The following TSHZ1 variants were observed in gnomAD, a reference collection of about 807,000 sequenced individuals.
The protein encoded by TSHZ1 is teashirt homolog 1.
TSHZ1 carries 12 observed loss-of-function variants against 67.1 expected under a neutral mutation model. The ratio of observed to expected loss-of-function variants is 0.18; its 90% CI spans 0.11 to 0.29. TSHZ1 has a LOEUF of 0.29. Ranked by LOEUF, TSHZ1 falls within the 10% of genes least tolerant of loss-of-function variation. The pLI is 1.00. For synonymous variants in TSHZ1, 632 were observed against 622.4 expected, an observed-to-expected ratio of 1.02 and a Z score of -0.23; for missense variants, 1,305 against 1,413.9, an observed-to-expected ratio of 0.92 and a Z score of 1.23.
Position 75,286,666 on chromosome 18 carries a change from A to T in TSHZ1, c.1259A>T (p.Glu420Val). Residue 420 changes from glutamate (E) to valine (V), a missense_variant, in exon 2 of 2, where the codon GAG (glutamate) becomes GTG (valine). Glu to Val is a moderately radical substitution (Grantham distance 121, BLOSUM62 -2). Around this residue, in one of 3 missense-constraint regions of TSHZ1, gnomAD observed 909 missense variants for 961.8 expected, o/e 0.95. Coordinates refer to ENST00000580243, the MANE Select transcript of TSHZ1 (RefSeq NM_001308210.2). The surrounding 1 kb of genome is among the most constrained non-coding windows in gnomAD (Gnocchi z 5.1). ...AAGGCGCAGATCCTCAAGTGCATGG[A>T]GTGTGGCAGCTCCCACGACACGCTG... ...ARKAQILKCM[E>V]CGSSHDTLQQ... is the part of the protein sequence containing the mutation. The T allele has an allele frequency of 6.2e-7, 1 of 1,614,198 alleles. No individual in the cohort carries two copies. Among genetic ancestry groups the T allele is most frequent in the Non-Finnish European group, 8.5e-7 (1 of 1,180,038 alleles).
intron 1 of TSHZ1, among the ~76,000 whole-genome samples, chr18:75,219,031 T>C (rs1448701985): frequency 2.0e-5 from 3 of 152,180 alleles, no homozygotes; most frequent in African/African-American, 7.2e-5. Context: ...AAGACAAAAT[T>C]TATTTGTGAT....
intron 1 of TSHZ1, among the ~76,000 whole-genome samples, chr18:75,234,749 C>G (rs1295481791): frequency 6.6e-6 from 1 of 151,950 alleles, no homozygotes; most frequent in Admixed American, 6.6e-5. Flanking sequence ...ACACGTTCAC[C>G]CATACATATT....
rs745502104 is a variant in TSHZ1, at chr18:75,285,727, C to T, written c.320C>T (p.Ser107Leu). The change falls in exon 2 of 2, where the codon TCG (serine) becomes TTG (leucine). Residue 107 changes from serine to leucine, a missense_variant. By Grantham distance (145) the Ser-to-Leu change is moderately radical. Around this residue, in one of 3 missense-constraint regions of TSHZ1, gnomAD observed 358 missense variants for 375.6 expected, o/e 0.95. Transcript: ENST00000580243. The part of the protein sequence containing the change: ...KEDPQCPDSV[S>L]YPQDSLAQIK... The stretch of plus-strand genomic sequence containing the variant: ...GATCCGCAGTGTCCCGACAGCGTCT[C>T]GTACCCCCAGGACAGCCTGGCACAG... 7.4e-6 allele frequency: 12 copies of T among 1,613,982 alleles called. No individual in the cohort carries two copies. The highest frequency in any genetic ancestry group is 6.7e-5 in the Admixed American group (4 of 59,998).
intron 1 of TSHZ1, among the ~76,000 whole-genome samples, chr18:75,221,414 A>C (rs1255019430): frequency 6.6e-6 from 1 of 152,252 alleles, no homozygotes; most frequent in African/African-American, 2.4e-5. Context: ...TGAACTTTTC[A>C]GAAACCTGTA....
intron 1 of TSHZ1, among the ~76,000 whole-genome samples, chr18:75,267,300 A>G (rs2023500931): frequency 6.6e-6 from 1 of 152,238 alleles, no homozygotes. Context: ...TCTTGGACAC[A>G]TAGGATAGTC....
At chr18:75,249,634 TTCC>T (rs996600168) in intron 1 of TSHZ1, among the ~76,000 whole-genome samples, 10 of 145,870 alleles carry the variant, frequency 6.9e-5, no homozygotes, top group Non-Finnish European at 1.2e-4. Flanking sequence ...TGGGGGTGAC[TTCC>T]TCCTCCTCAA....
Position 75,211,922 on chromosome 18 carries a change from G to C in TSHZ1, c.40+6G>C. 1.7e-6 allele frequency: 2 copies of C among 1,201,384 alleles called. No homozygotes were observed. The highest frequency in any genetic ancestry group is 2.1e-6 in the Non-Finnish European group (2 of 968,576). The allele number at this position is 1,201,384 out of a possible 1,614,324, so 74.4% of individuals were successfully genotyped here. A position where few individuals can be genotyped will look rare whatever the true frequency, so the allele number is the denominator to read the frequency against. On this transcript the variant is annotated splice_donor_region_variant and intron_variant, in intron 1 of 1. Coordinates refer to ENST00000580243, the MANE Select transcript of TSHZ1 (RefSeq NM_001308210.2). ...GGCCCCCCGGCGCTCGGCAGGTAAC[G>C]GGCGCGCGGCCCGCGCCGCGGGGAG... is the stretch of plus-strand genomic sequence containing the variant.
chr18:75,255,462 C>T (rs1293719628), intron 1 of TSHZ1, among the ~76,000 whole-genome samples: 1 of 152,208 alleles, frequency 6.6e-6, no homozygotes, highest in Non-Finnish European at 1.5e-5. Context: ...CTTATATCTT[C>T]TAACCAATCA....
intron 1 of TSHZ1, among the ~76,000 whole-genome samples, chr18:75,226,164 T>G (rs915228208): frequency 6.6e-6 from 1 of 152,244 alleles, no homozygotes; most frequent in Non-Finnish European, 1.5e-5. Context: ...GTCTTGCATA[T>G]TCAAAGCAAA....
intron 1 of TSHZ1, among the ~76,000 whole-genome samples, chr18:75,215,928 G>A (rs1288526885): frequency 3.3e-5 from 5 of 151,852 alleles, no homozygotes; most frequent in Admixed American, 3.3e-4. Flanking sequence ...TGTGTGTGCT[G>A]GAGTCTCTGT....
chr18:75,249,059 T>C (rs1455833782), intron 1 of TSHZ1, among the ~76,000 whole-genome samples: 1 of 152,106 alleles, frequency 6.6e-6, no homozygotes, highest in Non-Finnish European at 1.5e-5. Context: ...GCCACTGTGG[T>C]CCCTGGGCTA....
In TSHZ1 at chr18:75,286,846, C is replaced by A; in HGVS notation, c.1439C>A (p.Ala480Asp). Reference protein sequence around the residue: ...LPPTTHTRLPASSIKKQPDSP... With the variant: ...LPPTTHTRLPDSSIKKQPDSP... ...CCCACCACCCACACGCGGCTGCCGG[C>A]CTCCAGCATCAAAAAGCAGCCCGAC... is the stretch of plus-strand genomic sequence containing the variant. The change falls in exon 2 of 2, where the codon GCC becomes GAC. Residue 480 changes from alanine (A) to aspartate (D), a missense_variant. This residue lies in a region of TSHZ1 where 909 missense variants were observed against 961.8 expected (regional missense o/e 0.95). Coordinates refer to ENST00000580243, the MANE Select transcript of TSHZ1 (RefSeq NM_001308210.2). The surrounding 1 kb of genome is among the most constrained non-coding windows in gnomAD (Gnocchi z 5.1). 6.2e-7 allele frequency: 1 copy of A among 1,614,058 alleles called. No individual in the cohort carries two copies. The highest frequency in any genetic ancestry group is 8.5e-7 in the Non-Finnish European group (1 of 1,180,006).
intron 1 of TSHZ1, among the ~76,000 whole-genome samples, chr18:75,259,747 A>G (rs2023407135): frequency 6.6e-6 from 1 of 152,220 alleles, no homozygotes; most frequent in African/African-American, 2.4e-5. Flanking sequence ...AGTATGTATA[A>G]TGTATCCCCT....
chr18:75,247,261 G>A (rs954149834), intron 1 of TSHZ1, among the ~76,000 whole-genome samples: 5 of 152,178 alleles, frequency 3.3e-5, no homozygotes, highest in Non-Finnish European at 5.9e-5. Context: ...CAGGCCATGC[G>A]GTCAGGGCTG....
chr18:75,237,842 C>T (rs1314515930), intron 1 of TSHZ1, among the ~76,000 whole-genome samples: 1 of 136,726 alleles, frequency 7.3e-6, no homozygotes, highest in Non-Finnish European at 1.6e-5. Context: ...GACGGGGTTT[C>T]ACTCTTGTTG....
chr18:75,235,920 C>T (rs1287730193), intron 1 of TSHZ1, among the ~76,000 whole-genome samples: 2 of 152,186 alleles, frequency 1.3e-5, no homozygotes, highest in Non-Finnish European at 2.9e-5. Flanking sequence ...GGAGGCCACT[C>T]CTGTGCTGCG....
At chr18:75,214,616 T>A (rs1238336139) in intron 1 of TSHZ1, among the ~76,000 whole-genome samples, 2 of 152,144 alleles carry the variant, frequency 1.3e-5, no homozygotes, top group Non-Finnish European at 2.9e-5. Flanking sequence ...TAATTGATTG[T>A]TTGGTAGCCA....
chr18:75,249,335 G>A (rs1042975438), intron 1 of TSHZ1, among the ~76,000 whole-genome samples: 3 of 152,126 alleles, frequency 2.0e-5, no homozygotes, highest in African/African-American at 7.2e-5. Context: ...GCTCTGCATC[G>A]CTCTCACCCC....
rs544046992 is a variant in TSHZ1, at chr18:75,238,700, T to C, written c.40+26784T>C. On this transcript the variant is annotated intron_variant, in intron 1 of 1. Transcript: ENST00000580243. ...TTCTTAAGAAAAAAGTACAAAATCA[T>C]GAATGCAAAATCATGAATGCAAAAT... 4.6e-5 allele frequency among the ~76,000 whole-genome samples: 7 copies of C among 151,612 alleles called. No homozygotes were observed. In the East Asian group the frequency reaches 1.4e-3, roughly 29 times the overall value.
Sources: gnomAD v4.1 joint callset for allele counts (sites outside exome capture counted in the v4.1 genomes callset) on GRCh38, gnomAD v4.1.1 for gene constraint, gnomAD v4.1.1 regional missense constraint, Gnocchi (gnomAD v3.1) non-coding constraint, MANE v1.5 for transcripts, NCBI Gene and HGNC (gene_info 2026-07-23, HGNC 2026-07-21) for gene names.